Variants in TSHZ1 observed in about 807,000 individuals in gnomAD.
TSHZ1 encodes the protein teashirt zinc finger homeobox 1.
In TSHZ1, 12 loss-of-function variants were observed where a neutral mutation model predicts 67.1. The observed-to-expected ratio is 0.18, with a 90% CI of 0.11 to 0.29. The LOEUF is 0.29. Among genes scored for constraint, TSHZ1 ranks in the 10% least tolerant of loss-of-function variants. TSHZ1 has a pLI of 1.00. For synonymous variants in TSHZ1, 632 were observed against 622.4 expected, an observed-to-expected ratio of 1.02 and a Z score of -0.23; for missense variants, 1,305 against 1,413.9, an observed-to-expected ratio of 0.92 and a Z score of 1.23.
chr18:75,284,894 G>C (rs1337469604), intron 1 of TSHZ1: 1 of 152,336 alleles, frequency 6.6e-6, no homozygotes, highest in African/African-American at 2.4e-5. Flanking sequence ...GTGGCGCTTT[G>C]CTCTGCCAGG....
intron 1 of TSHZ1, among the ~76,000 whole-genome samples, chr18:75,242,238 T>C (rs1169118499): frequency 6.6e-6 from 1 of 152,198 alleles, no homozygotes; most frequent in African/African-American, 2.4e-5. Flanking sequence ...CCCATAGTTA[T>C]CATTGATAAT....
intron 1 of TSHZ1, among the ~76,000 whole-genome samples, chr18:75,267,829 C>T (rs2023508706): frequency 6.6e-6 from 1 of 152,212 alleles, no homozygotes; most frequent in Admixed American, 6.5e-5. Flanking sequence ...TGACATTTTA[C>T]ATCGTCTCCT....
At chr18:75,275,364 C>T (rs1194696277) in intron 1 of TSHZ1, among the ~76,000 whole-genome samples, 2 of 152,096 alleles carry the variant, frequency 1.3e-5, no homozygotes, top group Non-Finnish European at 2.9e-5. Context: ...AAGAGTACAG[C>T]GTGCAGTGCT....
In TSHZ1 at chr18:75,287,891, G is replaced by A; in HGVS notation, c.2484G>A (p.Val828=). 6.2e-7 allele frequency: 1 copy of A among 1,614,208 alleles called. No homozygotes were observed. Among genetic ancestry groups the A allele is most frequent in the African/African-American group, 1.3e-5 (1 of 75,066 alleles). The change falls in exon 2 of 2, where the codon GTG becomes GTA. Residue 828 remains valine, a synonymous_variant. Transcript: ENST00000580243. The surrounding 1 kb of genome is among the most constrained non-coding windows in gnomAD (Gnocchi z 5.0). ...KPLVSSVADS[V]ASPLRESALM... ...TGGTGTCCAGCGTGGCTGATTCGGT[G>A]GCATCACCTCTGCGGGAGAGCGCAC...
intron 1 of TSHZ1, among the ~76,000 whole-genome samples, chr18:75,223,629 A>G (rs2022878661): frequency 6.6e-6 from 1 of 151,004 alleles, no homozygotes; most frequent in Admixed American, 6.6e-5. Context: ...GATTCCTTAA[A>G]AAAAAAAAAA....
intron 1 of TSHZ1, among the ~76,000 whole-genome samples, chr18:75,229,764 T>C (rs971872025): frequency 6.6e-6 from 1 of 152,244 alleles, no homozygotes; most frequent in Non-Finnish European, 1.5e-5. Context: ...GGCAGTGGAC[T>C]GGTTTTTTTG....
At chr18:75,230,372 TC>T (rs1165016007) in intron 1 of TSHZ1, among the ~76,000 whole-genome samples, 6 of 151,948 alleles carry the variant, frequency 3.9e-5, no homozygotes, top group African/African-American at 1.4e-4. Flanking sequence ...TTACGGAGGG[TC>T]CTGAGTGCCA....
At chr18:75,229,038 A>G (rs1191345083) in intron 1 of TSHZ1, among the ~76,000 whole-genome samples, 2 of 152,224 alleles carry the variant, frequency 1.3e-5, no homozygotes, top group South Asian at 2.1e-4. Context: ...GTTTTGTTGC[A>G]TATGGTGGAT....
At chr18:75,255,045 A>G (rs1478569178) in intron 1 of TSHZ1, among the ~76,000 whole-genome samples, 1 of 152,224 alleles carries the variant, frequency 6.6e-6, no homozygotes, top group Non-Finnish European at 1.5e-5. Flanking sequence ...CATTTTTTGC[A>G]TATAGTCTCT....
chr18:75,246,093 C>G (rs2023218267), intron 1 of TSHZ1, among the ~76,000 whole-genome samples: 1 of 152,226 alleles, frequency 6.6e-6, no homozygotes, highest in Non-Finnish European at 1.5e-5. Flanking sequence ...AGCGTGGATT[C>G]AACCAAGACC....
chr18:75,237,604 A>G (rs1455060102), intron 1 of TSHZ1, among the ~76,000 whole-genome samples: 2 of 152,086 alleles, frequency 1.3e-5, no homozygotes, highest in Non-Finnish European at 2.9e-5. Flanking sequence ...GCAAACATAT[A>G]TGTACACACC....
At position 75,287,388 on chromosome 18, in the gene TSHZ1, AAGG is replaced by A. The variant is rs756583304; in HGVS notation, c.1984_1986del (p.Glu662del). On this transcript the variant is annotated inframe_deletion, in exon 2 of 2. Transcript: ENST00000580243. This position sits in a 1 kb window ranked among gnomAD's most constrained non-coding sequence, Gnocchi z 5.0. ...CAAGAAGGAGGAGAGACCCCCTGAG[AAGG>A]AGAAGAGCTCCCTGGCCAAGGCTGC... The A allele has an allele frequency of 2.3e-5, 37 of 1,613,982 alleles. No homozygotes were observed. The highest frequency in any genetic ancestry group is 1.5e-4 in the Admixed American group (9 of 60,006).
Position 75,287,292 on chromosome 18 carries a change from C to A in TSHZ1, c.1885C>A (p.Pro629Thr), listed in dbSNP as rs1160642065. The change falls in exon 2 of 2, where the codon CCC (proline) becomes ACC (threonine). Residue 629 changes from proline (P) to threonine (T), a missense_variant. Around this residue, in one of 3 missense-constraint regions of TSHZ1, gnomAD observed 909 missense variants for 961.8 expected, o/e 0.95. Transcript: ENST00000580243. The surrounding 1 kb of genome is among the most constrained non-coding windows in gnomAD (Gnocchi z 5.0). ...ALLHSPGSLT[P>T]PPHKSNVSAM... The stretch of plus-strand genomic sequence containing the variant: ...CCTGCACTCCCCAGGGAGCCTCACG[C>A]CCCCACCGCACAAGAGCAACGTGTC... 6.2e-7 allele frequency: 1 copy of A among 1,614,058 alleles called. No individual in the cohort carries two copies. Among genetic ancestry groups the A allele is most frequent in the East Asian group, 2.2e-5 (1 of 44,844 alleles).
intron 1 of TSHZ1, among the ~76,000 whole-genome samples, chr18:75,221,650 T>C (rs1701489891): frequency 6.6e-6 from 1 of 152,216 alleles, no homozygotes; most frequent in Admixed American, 6.5e-5. Flanking sequence ...GTACAGAATG[T>C]GTCACAGCAG....
intron 1 of TSHZ1, among the ~76,000 whole-genome samples, chr18:75,222,119 G>A (rs1167377309): frequency 3.9e-5 from 6 of 152,068 alleles, no homozygotes; most frequent in African/African-American, 1.2e-4. Flanking sequence ...AAAGGAAGCC[G>A]CGCACAAAGG....
At chr18:75,226,636 A>G (rs1459167941) in intron 1 of TSHZ1, among the ~76,000 whole-genome samples, 1 of 151,120 alleles carries the variant, frequency 6.6e-6, no homozygotes, top group Non-Finnish European at 1.5e-5. Context: ...ATCCTCATAC[A>G]GGGCACAGAC....
In TSHZ1 at chr18:75,286,538, T is replaced by C; in HGVS notation, c.1131T>C (p.Ser377=). The C allele has an allele frequency of 6.2e-7, 1 of 1,614,078 alleles. No individual in the cohort carries two copies. The highest frequency in any genetic ancestry group is 8.5e-7 in the Non-Finnish European group (1 of 1,180,030). ...PAGMAAEVAL[S]ESAKDQKAAN... is the part of the protein sequence containing the mutation. ...GAATGGCCGCAGAGGTGGCCCTGAG[T>C]GAGTCAGCCAAGGATCAGAAAGCAG... The change falls in exon 2 of 2, where the codon AGT becomes AGC. Residue 377 remains serine, a synonymous_variant. Coordinates refer to ENST00000580243, the MANE Select transcript of TSHZ1 (RefSeq NM_001308210.2). The surrounding 1 kb of genome is among the most constrained non-coding windows in gnomAD (Gnocchi z 5.1).
intron 1 of TSHZ1, among the ~76,000 whole-genome samples, chr18:75,235,407 T>A (rs2023054731): frequency 1.3e-5 from 2 of 152,166 alleles, no homozygotes; most frequent in South Asian, 4.1e-4. Context: ...AGAGGGTGTG[T>A]CTTTTCTTTT....
Position 75,285,937 on chromosome 18 carries a change from C to T in TSHZ1, c.530C>T (p.Thr177Ile). The change falls in exon 2 of 2, where the codon ACC (threonine) becomes ATC (isoleucine). Residue 177 changes from threonine to isoleucine, a missense_variant. Physicochemically the swap from Thr to Ile is moderately conservative, Grantham distance 89 (BLOSUM62 -1). Transcript: ENST00000580243. Reference sequence around the variant, plus strand: ...GGCCCCACCACGAGCACGCCCAGCACCAGCTGCAGCTCCAGCACCAGCCAC... The same window carrying T: ...GGCCCCACCACGAGCACGCCCAGCATCAGCTGCAGCTCCAGCACCAGCCAC... ...TTGPTTSTPS[T>I]SCSSSTSHSS... The T allele has an allele frequency of 6.4e-7, 1 of 1,555,006 alleles. No homozygotes were observed. The highest frequency in any genetic ancestry group is 8.7e-7 in the Non-Finnish European group (1 of 1,150,506).
Sources: gnomAD v4.1 joint callset for allele counts (sites outside exome capture counted in the v4.1 genomes callset) on GRCh38, gnomAD v4.1.1 for gene constraint, gnomAD v4.1.1 regional missense constraint, Gnocchi (gnomAD v3.1) non-coding constraint, MANE v1.5 for transcripts, NCBI Gene and HGNC (gene_info 2026-07-23, HGNC 2026-07-21) for gene names.